SETD2: variants seen among roughly 807,000 people sequenced by gnomAD.
SETD2 encodes the protein SET domain containing 2, histone lysine methyltransferase.
A neutral mutation model predicts 242.1 loss-of-function variants in SETD2; 31 were observed. The observed-to-expected ratio is 0.13, with a 90% CI of 0.10 to 0.17. The LOEUF is 0.17. SETD2 is among the 10% of genes least tolerant of loss of function. The pLI is 1.00. For synonymous variants in SETD2, 1,006 were observed against 1,066.5 expected, an observed-to-expected ratio of 0.94 and a Z score of 1.11; for missense variants, 2,481 against 3,046.3, an observed-to-expected ratio of 0.81 and a Z score of 4.37.
At chr3:47,077,792 T>C (rs2041155187) in intron 12 of SETD2, among the ~76,000 whole-genome samples, 1 of 152,090 alleles carries the variant, frequency 6.6e-6, no homozygotes, top group Admixed American at 6.5e-5. Flanking sequence ...GAACAGCATA[T>C]TGTAGCAAAA....
chr3:47,055,426 C>G (rs1408334480), intron 15 of SETD2, among the ~76,000 whole-genome samples: 8 of 151,940 alleles, frequency 5.3e-5, no homozygotes, highest in Non-Finnish European at 4.4e-5. Flanking sequence ...GTACTGCTGG[C>G]CAGGCACAGT....
chr3:47,134,103 T>C (rs988706101), intron 1 of SETD2, among the ~76,000 whole-genome samples: 7 of 152,196 alleles, frequency 4.6e-5, no homozygotes, highest in Admixed American at 1.3e-4. Flanking sequence ...TCTCAATTAC[T>C]AAGTGATTAC....
rs55646108 is a variant in SETD2, at chr3:47,074,197, G to T, written c.6061-7079C>A. Among the ~76,000 whole-genome samples the T allele has an allele frequency of 7.9e-5, 12 of 152,110 alleles. No individual in the cohort carries two copies. In the East Asian group the frequency reaches 2.3e-3, roughly 29 times the overall value. ...GTAATCTTCACATTCTATTAAAAAG[G>T]AGCTGAATAATGCTGCCAATTTTAT... is the stretch of plus-strand genomic sequence containing the variant. On this transcript the variant is annotated intron_variant, in intron 12 of 20. Transcript: ENST00000409792.
Position 47,071,632 on chromosome 3 carries a change from T to C in SETD2, c.6061-4514A>G, listed in dbSNP as rs1186794958. ...CAATTTGGGGAAATTTAAGAAACAA[T>C]AACATATAGTGATACTGCTGGAGAT... On this transcript the variant is annotated intron_variant, in intron 12 of 20. Coordinates refer to ENST00000409792, the MANE Select transcript of SETD2 (RefSeq NM_014159.7). 2.7e-5 allele frequency among the ~76,000 whole-genome samples: 4 copies of C among 150,056 alleles called. No homozygotes were observed. The East Asian group carries it at 7.8e-4, about 29-fold the overall frequency.
In SETD2 at chr3:47,106,496, A is replaced by T. The variant is rs1433969489; in HGVS notation, c.4716-376T>A. On this transcript the variant is annotated intron_variant, in intron 5 of 20. Transcript: ENST00000409792. ...AAAAGTTAGAGGATTTTTGCTCTAA[A>T]AAAAAAAAAAAAAAAAAAAAAAAAA... 2.2e-3 allele frequency among the ~76,000 whole-genome samples: 55 copies of T among 25,090 alleles called. 3 individuals are homozygous for T. Among genetic ancestry groups the T allele is most frequent in the African/African-American group, 5.9e-3 (52 of 8,816 alleles). 16.5% of individuals were successfully genotyped at this position (25,090 alleles called of 152,430 possible). A position where few individuals can be genotyped will look rare whatever the true frequency, so the allele number is the denominator to read the frequency against.
intron 12 of SETD2, among the ~76,000 whole-genome samples, chr3:47,083,142 G>C (rs1054963671): frequency 6.6e-6 from 1 of 152,170 alleles, no homozygotes; most frequent in Non-Finnish European, 1.5e-5. Context: ...TTCAACAAGA[G>C]ATTATGTATG....
chr3:47,037,454 C>T (rs560793243), intron 18 of SETD2, among the ~76,000 whole-genome samples: 2 of 152,024 alleles, frequency 1.3e-5, no homozygotes, highest in South Asian at 4.2e-4. Flanking sequence ...CTACAAAGGA[C>T]ATGAACTCAT....
chr3:47,135,780 T>C (rs1471603861), intron 1 of SETD2, among the ~76,000 whole-genome samples: 2 of 152,222 alleles, frequency 1.3e-5, no homozygotes, highest in Non-Finnish European at 2.9e-5. Flanking sequence ...CCCACCACTT[T>C]GCTCAGTGTC....
intron 1 of SETD2, among the ~76,000 whole-genome samples, chr3:47,153,940 A>G (rs1331995100): frequency 1.3e-5 from 2 of 152,128 alleles, no homozygotes; most frequent in African/African-American, 4.8e-5. Flanking sequence ...CACCATCATA[A>G]CCAGAAAAAC....
At chr3:47,066,764 GA>G (rs528829322) in intron 13 of SETD2, among the ~76,000 whole-genome samples, 52 of 150,848 alleles carry the variant, frequency 3.4e-4, no homozygotes, top group Non-Finnish European at 6.1e-4. Flanking sequence ...AATAATAAAA[GA>G]AAAAAAGACT....
chr3:47,113,387 G>A (rs1228150758), intron 5 of SETD2, among the ~76,000 whole-genome samples: 2 of 151,722 alleles, frequency 1.3e-5, no homozygotes, highest in Non-Finnish European at 2.9e-5. Flanking sequence ...GTAGTTGCTT[G>A]GAATTAAAGA....
intron 15 of SETD2, among the ~76,000 whole-genome samples, chr3:47,049,329 A>C (rs1407482042): frequency 1.0e-4 from 2 of 20,042 alleles, no homozygotes; most frequent in African/African-American, 6.5e-4. Context: ...ATATATATAT[A>C]TATATATATA....
intron 18 of SETD2, among the ~76,000 whole-genome samples, chr3:47,036,056 T>C (rs1435556997): frequency 6.6e-6 from 1 of 152,108 alleles, no homozygotes; most frequent in Non-Finnish European, 1.5e-5. Flanking sequence ...AAGAGGAAAA[T>C]ATTTCCTCCA....
chr3:47,134,254 G>T (rs549295829), intron 1 of SETD2, among the ~76,000 whole-genome samples: 1 of 152,130 alleles, frequency 6.6e-6, no homozygotes, highest in Admixed American at 6.6e-5. Flanking sequence ...GTTGTGGGGG[G>T]GAAAAGTTTG....
In SETD2 at chr3:47,091,525, G is replaced by A. The variant is rs528154442; in HGVS notation, c.5143-3278C>T. 8.5e-5 allele frequency among the ~76,000 whole-genome samples: 13 copies of A among 152,304 alleles called. No individual in the cohort carries two copies. In the South Asian group the frequency reaches 2.7e-3, roughly 32 times the overall value. ...CGCCTGTAATCCCAGCACTTTGGGA[G>A]GCCAAGGTGGGTGGATCACCTAAGG... On this transcript the variant is annotated intron_variant, in intron 9 of 20. Transcript: ENST00000409792.
chr3:47,149,479 A>G (rs2043934626), intron 1 of SETD2, among the ~76,000 whole-genome samples: 1 of 152,160 alleles, frequency 6.6e-6, no homozygotes, highest in South Asian at 2.1e-4. Context: ...TATAGCACTC[A>G]GCAATTTACA....
At position 47,084,858 on chromosome 3, in the gene SETD2, G is replaced by A. The variant is rs765638297; in HGVS notation, c.5398-476C>T. 2.4e-4 allele frequency among the ~76,000 whole-genome samples: 37 copies of A among 151,516 alleles called. 1 individual carries two copies. Among genetic ancestry groups the A allele is most frequent in the African/African-American group, 7.3e-4 (30 of 41,294 alleles). The stretch of plus-strand genomic sequence containing the variant: ...CGATTCTCCTGCCTCAGCCTCCCGA[G>A]GAGCTGGGATTACAGGGATGCACCA... On this transcript the variant is annotated intron_variant, in intron 11 of 20. Coordinates refer to ENST00000409792, the MANE Select transcript of SETD2 (RefSeq NM_014159.7).
At chr3:47,077,255 T>C (rs2041125270) in intron 12 of SETD2, among the ~76,000 whole-genome samples, 1 of 152,276 alleles carries the variant, frequency 6.6e-6, no homozygotes, top group Admixed American at 6.5e-5. Context: ...GGCTAATTTT[T>C]GTATTTTTGT....
At chr3:47,156,661 A>G (rs1374525720) in intron 1 of SETD2, among the ~76,000 whole-genome samples, 1 of 152,176 alleles carries the variant, frequency 6.6e-6, no homozygotes, top group Non-Finnish European at 1.5e-5. Context: ...AGTAGCCCAA[A>G]GAAGGTAACC....
Sources: allele counts gnomAD v4.1 joint callset (sites outside exome capture counted in the v4.1 genomes callset), GRCh38; gene constraint gnomAD v4.1.1; transcripts MANE v1.5; gene names NCBI Gene and HGNC (gene_info 2026-07-23, HGNC 2026-07-21).